CPEB2: variants seen among roughly 807,000 people sequenced by gnomAD.
CPEB2 encodes cytoplasmic polyadenylation element binding protein 2.
In CPEB2, 56 loss-of-function variants were observed where a neutral mutation model predicts 93.6. The ratio of observed to expected loss-of-function variants is 0.60; its 90% confidence interval spans 0.48 to 0.75. The LOEUF is 0.75. Ranked by LOEUF, CPEB2 falls within the 30% of genes least tolerant of loss-of-function variation. The probability of loss-of-function intolerance (pLI) is 0.00; values close to 1 mark genes in which losing one functional copy is unlikely to be tolerated. For synonymous variants in CPEB2, 764 were observed against 586.3 expected, an observed-to-expected ratio of 1.30 and a Z score of -4.38; for missense variants, 1,579 against 1,395.1, an observed-to-expected ratio of 1.13 and a Z score of -2.10.
rs987622746 is a variant in CPEB2, at chr4:15,004,173, G to C, written c.1500G>C (p.Pro500=). ...TCTCGGCTACCGCTGTGCCCCCTCCGCCGCCGCCCGCCATGAATATACCTC... is the reference window on the plus strand; with the variant it reads ...TCTCGGCTACCGCTGTGCCCCCTCCCCCGCCGCCCGCCATGAATATACCTC... ...GPFSATAVPP[P]PPPAMNIPQQ... Residue 500 remains proline, a synonymous_variant, in exon 1 of 12, where the codon CCG becomes CCC. Coordinates refer to ENST00000538197, the MANE Select transcript of CPEB2 (RefSeq NM_001177382.2). The C allele has an allele frequency of 2.3e-5, 25 of 1,106,630 alleles. No individual in the cohort carries two copies. The highest frequency in any genetic ancestry group is 2.7e-5 in the Non-Finnish European group (24 of 872,850). 68.6% of individuals were successfully genotyped at this position (1,106,630 alleles called of 1,614,324 possible). A position where few individuals can be genotyped will look rare whatever the true frequency, so the allele number is the denominator to read the frequency against.
Position 15,036,550 on chromosome 4 carries a change from C to G in CPEB2, c.2176+3339C>G, listed in dbSNP as rs1726629723. Among the ~76,000 whole-genome samples, 3 of 152,072 alleles carry G rather than the reference C, an allele frequency of 2.0e-5. No homozygotes were observed. In the South Asian group the frequency reaches 6.2e-4, roughly 32 times the overall value. ...TAGTTTAAAAAAAAACCCTGCCTTC[C>G]ATAGTAGTAAAGAGCAATACAAAAT... On this transcript the variant is annotated intron_variant, in intron 5 of 11. Transcript: ENST00000538197.
intron 11 of CPEB2, among the ~76,000 whole-genome samples, chr4:15,063,569 C>G (rs1729408160): frequency 6.6e-6 from 1 of 151,966 alleles, no homozygotes; most frequent in Non-Finnish European, 1.5e-5. Context: ...TATAAAGCTC[C>G]GGAAGTGACA....
chr4:15,002,951 T>G lies in CPEB2; in HGVS notation c.278T>G (p.Met93Arg), dbSNP rs935454200. The G allele has an allele frequency of 6.6e-7, 1 of 1,507,752 alleles. No homozygotes were observed. Among genetic ancestry groups the G allele is most frequent in the Admixed American group, 2.3e-5 (1 of 43,812 alleles). The allele number at this position is 1,507,752 out of a possible 1,614,324, so 93.4% of individuals were successfully genotyped here. The change falls in exon 1 of 12, where the codon ATG becomes AGG. Residue 93 changes from methionine to arginine, a missense_variant. Around this residue, in one of 2 missense-constraint regions of CPEB2, gnomAD observed 1,411 missense variants for 1,056.0 expected, o/e 1.34. Coordinates refer to ENST00000538197, the MANE Select transcript of CPEB2 (RefSeq NM_001177382.2). ...CCGTTCCTGGCGCATCAGCAGACCA[T>G]GCAGGATGAGCTGCTTCTGGGGCTG... ...SSPFLAHQQTMQDELLLGLTQ... is the reference protein window; with the variant it reads ...SSPFLAHQQTRQDELLLGLTQ...
At chr4:15,010,092 A>G (rs1269920048) in intron 3 of CPEB2, among the ~76,000 whole-genome samples, 1 of 152,220 alleles carries the variant, frequency 6.6e-6, no homozygotes, top group Non-Finnish European at 1.5e-5. Flanking sequence ...TGGTGGGGGA[A>G]AAAAGAGATA....
At position 15,019,608 on chromosome 4, in the gene CPEB2, T is replaced by TA. The variant is rs911059366; in HGVS notation, c.2125+2339dup. Among the ~76,000 whole-genome samples the TA allele has an allele frequency of 1.9e-4, 29 of 151,164 alleles. No individual in the cohort carries two copies. In the South Asian group the frequency reaches 3.1e-3, roughly 16 times the overall value. ...TAGGAAATCCTGTCCTCTGTTTAAT[T>TA]AAAAAAAAATGATTTTCCCCTAGAA... On this transcript the variant is annotated intron_variant, in intron 4 of 11. Transcript: ENST00000538197.
chr4:15,003,850 C>T lies in CPEB2; in HGVS notation c.1177C>T (p.Gln393Ter). 1.2e-6 allele frequency: 1 copy of T among 859,114 alleles called. No homozygotes were observed. The highest frequency in any genetic ancestry group is 1.5e-6 in the Non-Finnish European group (1 of 650,456). 53.2% of individuals were successfully genotyped at this position (859,114 alleles called of 1,614,324 possible). A position where few individuals can be genotyped will look rare whatever the true frequency, so the allele number is the denominator to read the frequency against. ...GGTGCAGACCGCGTCGCCGCCACCC[C>T]AGCCCCAGCAGCCGCCGCCGACCCA... Reference protein sequence around the residue: ...WSVQTASPPPQPQQPPPTQPQ... With the variant: ...WSVQTASPPP Residue 393 changes from glutamine (Q) to a stop codon, truncating the protein, a stop_gained, in exon 1 of 12, where the codon CAG becomes TAG. Coordinates refer to ENST00000538197, the MANE Select transcript of CPEB2 (RefSeq NM_001177382.2). LOFTEE classifies it high-confidence loss of function.
chr4:15,048,162 G>C (rs1009967732), intron 6 of CPEB2, among the ~76,000 whole-genome samples: 1 of 151,710 alleles, frequency 6.6e-6, no homozygotes, highest in African/African-American at 2.4e-5. Context: ...TTTTGCATTT[G>C]TGTTCATGAG....
intron 3 of CPEB2, among the ~76,000 whole-genome samples, chr4:15,016,387 T>TTA (rs1233281149): frequency 1.3e-5 from 2 of 151,996 alleles, no homozygotes; most frequent in Non-Finnish European, 2.9e-5. Flanking sequence ...TTTATGGACA[T>TTA]TAAAGAGTCA....
chr4:15,043,975 G>C (rs1437139623), intron 6 of CPEB2, among the ~76,000 whole-genome samples: 1 of 152,192 alleles, frequency 6.6e-6, no homozygotes, highest in East Asian at 1.9e-4. Flanking sequence ...AGTTGATCCA[G>C]GATTTTCAAT....
At chr4:15,029,339 T>C (rs1725837597) in intron 4 of CPEB2, among the ~76,000 whole-genome samples, 2 of 152,132 alleles carry the variant, frequency 1.3e-5, no homozygotes, top group Admixed American at 6.6e-5. Flanking sequence ...GTATATGTTA[T>C]ATACAAATTA....
intron 5 of CPEB2, among the ~76,000 whole-genome samples, chr4:15,039,465 T>C (rs1196171477): frequency 6.6e-6 from 1 of 152,160 alleles, no homozygotes; most frequent in Non-Finnish European, 1.5e-5. Context: ...TTGAATTTTT[T>C]CCAGGCCTAA....
At chr4:15,008,663 GA>G in intron 3 of CPEB2, among the ~76,000 whole-genome samples, 1 of 151,726 alleles carries the variant, frequency 6.6e-6, no homozygotes, top group African/African-American at 2.4e-5. Flanking sequence ...ACTTTTTTTG[GA>G]AAAAGGAATT....
At chr4:15,059,884 C>CT (rs1199797796) in intron 10 of CPEB2, among the ~76,000 whole-genome samples, 1 of 152,096 alleles carries the variant, frequency 6.6e-6, no homozygotes, top group Non-Finnish European at 1.5e-5. Context: ...AGAACATCGT[C>CT]TCCCCAGTCA....
At chr4:15,059,417 A>AT in intron 10 of CPEB2, 116 bp downstream of exon 10, 1 of 545,932 alleles carries the variant, frequency 1.8e-6, no homozygotes, top group Non-Finnish European at 3.1e-6. Flanking sequence ...GCAGGAGCAG[A>AT]TTCTGCATGC....
chr4:15,066,618 T>G lies in CPEB2; in HGVS notation c.*238T>G. 2.0e-6 allele frequency: 1 copy of G among 503,116 alleles called. No individual in the cohort carries two copies. The highest frequency in any genetic ancestry group is 3.3e-5 in the East Asian group (1 of 30,638). The allele number at this position is 503,116 out of a possible 1,614,324, so 31.2% of individuals were successfully genotyped here. On this transcript the variant is annotated 3_prime_UTR_variant, in exon 12 of 12. Transcript: ENST00000538197. ...TTCATGTTCAAATAAAATGTTTTTTTGTATTTTCTCCAAGTTATTTTTATA... is the reference window on the plus strand; with the variant it reads ...TTCATGTTCAAATAAAATGTTTTTTGGTATTTTCTCCAAGTTATTTTTATA...
At chr4:15,015,098 T>C (rs547701236) in intron 3 of CPEB2, among the ~76,000 whole-genome samples, 16 of 152,158 alleles carry the variant, frequency 1.1e-4, no homozygotes, top group African/African-American at 3.9e-4. Context: ...TTGCTTCTTA[T>C]AAAGTGTGAT....
chr4:15,060,898 A>G (rs572001709), intron 10 of CPEB2, among the ~76,000 whole-genome samples: 4 of 152,242 alleles, frequency 2.6e-5, no homozygotes, highest in East Asian at 1.9e-4. Flanking sequence ...AGGTGAGGCA[A>G]TTGGACTCTA....
At position 15,004,226 on chromosome 4, in the gene CPEB2, C is replaced by T. The variant is rs531262168; in HGVS notation, c.1553C>T (p.Pro518Leu). The change falls in exon 1 of 12, where the codon CCG becomes CTG. Residue 518 changes from proline to leucine, a missense_variant. Pro to Leu is a moderately conservative substitution (Grantham distance 98). Transcript: ENST00000538197. ...CAGCAGCCCCCGCCGCCCGCGGCGC[C>T]GCAGCAGCCGCAGAGCCGGAGGTCG... is the stretch of plus-strand genomic sequence containing the variant. ...PQQQPPPPAAPQQPQSRRSPV... is the reference protein window; with the variant it reads ...PQQQPPPPAALQQPQSRRSPV... 50 of 1,493,260 alleles carry T rather than the reference C, an allele frequency of 3.3e-5. No individual in the cohort carries two copies. Among genetic ancestry groups the T allele is most frequent in the Non-Finnish European group, 4.3e-5 (49 of 1,128,398 alleles). 92.5% of individuals were successfully genotyped at this position (1,493,260 alleles called of 1,614,324 possible).
At chr4:15,006,693 C>T (rs917053852) in intron 1 of CPEB2, 5 of 152,114 alleles carry the variant, frequency 3.3e-5, no homozygotes, top group African/African-American at 9.7e-5. Flanking sequence ...ACAATTAAGA[C>T]AAACTATGCT....
Sources: allele counts gnomAD v4.1 joint callset (sites outside exome capture counted in the v4.1 genomes callset), GRCh38; gene constraint gnomAD v4.1.1; regional missense constraint gnomAD v4.1.1; transcripts MANE v1.5; gene names NCBI Gene and HGNC (gene_info 2026-07-23, HGNC 2026-07-21).